MSRA: variants seen among roughly 807,000 people sequenced by gnomAD.
MSRA encodes methionine sulfoxide reductase A, also known as mitochondrial peptide methionine sulfoxide reductase.
Under a neutral mutation model 31.3 loss-of-function variants are expected in MSRA, and 54 were observed. The ratio of observed to expected loss-of-function variants is 1.73; its 90% CI spans 1.39 to 2.17. The LOEUF is 2.17. Among genes scored for constraint, MSRA ranks in the 30% most tolerant of loss-of-function variants. The pLI is 0.00. For synonymous variants in MSRA, 169 were observed against 116.5 expected (o/e 1.45, Z -2.90); for missense variants, 507 against 300.9 (o/e 1.69, Z -5.07).
intron 1 of MSRA, among the ~76,000 whole-genome samples, chr8:10,084,105 C>G (rs570317383): frequency 5.4e-4 from 82 of 152,344 alleles, no homozygotes; most frequent in Non-Finnish European, 7.3e-5. Flanking sequence ...GAGGCAGGGC[C>G]TGGCATTTCA....
intron 1 of MSRA, among the ~76,000 whole-genome samples, chr8:10,064,304 G>A (rs545764394): frequency 2.6e-5 from 4 of 152,144 alleles, no homozygotes; most frequent in African/African-American, 9.6e-5. Context: ...GGGTCAGCTG[G>A]TACCTCTTCT....
chr8:10,370,653 G>A (rs1278645008), intron 5 of MSRA, among the ~76,000 whole-genome samples: 1 of 152,110 alleles, frequency 6.6e-6, no homozygotes. Context: ...CTCTCCCTCG[G>A]GCCAACCACT....
chr8:10,164,479 T>G (rs974927205), intron 1 of MSRA, among the ~76,000 whole-genome samples: 1 of 152,138 alleles, frequency 6.6e-6, no homozygotes, highest in African/African-American at 2.4e-5. Flanking sequence ...GCTGTGCTGG[T>G]TTTGACCCCT....
intron 1 of MSRA, chr8:10,096,058 T>G (rs1200525734): frequency 7.2e-7 from 1 of 1,385,358 alleles, no homozygotes. Flanking sequence ...GTTTTTAGAT[T>G]TTATTTTATT....
intron 1 of MSRA, among the ~76,000 whole-genome samples, chr8:10,182,164 A>C (rs559445588): frequency 2.0e-5 from 3 of 152,110 alleles, no homozygotes; most frequent in Non-Finnish European, 4.4e-5. Flanking sequence ...TTTATCCTCT[A>C]AGCTGCAGCA....
chr8:10,386,553 G>C (rs1806403962), intron 5 of MSRA, among the ~76,000 whole-genome samples: 1 of 152,090 alleles, frequency 6.6e-6, no homozygotes, highest in Non-Finnish European at 1.5e-5. Context: ...TTTTCCAGTG[G>C]TTCTCAAACT....
intron 5 of MSRA, chr8:10,411,115 C>G (rs958739327): frequency 7.2e-5 from 11 of 152,160 alleles, no homozygotes; most frequent in African/African-American, 2.7e-4. Context: ...TACTTTTCCT[C>G]TTTGTTATTC....
At chr8:10,203,808 G>A (rs1306847896) in intron 1 of MSRA, among the ~76,000 whole-genome samples, 1 of 152,222 alleles carries the variant, frequency 6.6e-6, no homozygotes, top group Non-Finnish European at 1.5e-5. Context: ...TACCATAGGA[G>A]ATGACAGCTC....
chr8:10,315,300 G>A (rs1015503789), intron 4 of MSRA, among the ~76,000 whole-genome samples: 3 of 152,132 alleles, frequency 2.0e-5, no homozygotes, highest in Non-Finnish European at 4.4e-5. Context: ...GAATGTGTCC[G>A]TGTGCTAAAG....
chr8:10,308,121 C>T (rs1801237678), intron 4 of MSRA, among the ~76,000 whole-genome samples: 1 of 152,168 alleles, frequency 6.6e-6, no homozygotes, highest in Non-Finnish European at 1.5e-5. Flanking sequence ...GAGTCACCAT[C>T]CCAGGCTGGA....
At chr8:10,079,607 G>T (rs760711135) in intron 1 of MSRA, among the ~76,000 whole-genome samples, 1 of 152,106 alleles carries the variant, frequency 6.6e-6, no homozygotes, top group African/African-American at 2.4e-5. Flanking sequence ...TGAAGCTTTG[G>T]ATCTCTTTCC....
intron 5 of MSRA, among the ~76,000 whole-genome samples, chr8:10,411,896 G>A (rs1004795946): frequency 5.0e-5 from 4 of 79,934 alleles, no homozygotes; most frequent in Admixed American, 2.8e-4. Flanking sequence ...CAGGGGTGGC[G>A]AACAGCCCTG....
intron 5 of MSRA, among the ~76,000 whole-genome samples, chr8:10,331,530 A>G (rs755280402): frequency 2.0e-5 from 3 of 152,190 alleles, no homozygotes; most frequent in African/African-American, 4.8e-5. Context: ...GTGTTCATTC[A>G]CATTCCCAAC....
Position 10,320,703 on chromosome 8 carries a change from G to A in MSRA, c.543+714G>A, listed in dbSNP as rs547570401. ...TATTTTCTCACAATTCTGGAGGCTG[G>A]AAGTCCAAGATCAAGGTGTCGGCAG... On this transcript the variant is annotated intron_variant, in intron 5 of 5. Coordinates refer to ENST00000317173, the MANE Select transcript of MSRA (RefSeq NM_012331.5). 1.6e-4 allele frequency among the ~76,000 whole-genome samples: 24 copies of A among 152,260 alleles called. No individual in the cohort carries two copies. The South Asian group carries it at 4.1e-3, about 26-fold the overall frequency.
At chr8:10,218,191 G>T (rs532669713) in intron 2 of MSRA, among the ~76,000 whole-genome samples, 69 of 151,614 alleles carry the variant, frequency 4.6e-4, no homozygotes, top group African/African-American at 1.6e-3. Flanking sequence ...CTGTTGCCGA[G>T]GCTGGAGTGT....
rs563351312 is a variant in MSRA, at chr8:10,068,880, C to G, written c.142+14222C>G. On this transcript the variant is annotated intron_variant, in intron 1 of 5. Transcript: ENST00000317173. The stretch of plus-strand genomic sequence containing the variant: ...AATCTCCAGATCAAGTTGGGAAGAA[C>G]TGACATCTTGAAAATATTGAATCTA... Among the ~76,000 whole-genome samples the G allele has an allele frequency of 9.8e-5, 15 of 152,314 alleles. No individual in the cohort carries two copies. The South Asian group carries it at 2.3e-3, about 23-fold the overall frequency.
At chr8:10,131,761 C>G (rs965449219) in intron 1 of MSRA, among the ~76,000 whole-genome samples, 2 of 152,168 alleles carry the variant, frequency 1.3e-5, no homozygotes, top group Non-Finnish European at 2.9e-5. Flanking sequence ...GGGACTCTGT[C>G]GCTGCCTCTT....
At chr8:10,341,913 T>C (rs1191274042) in intron 5 of MSRA, among the ~76,000 whole-genome samples, 1 of 152,190 alleles carries the variant, frequency 6.6e-6, no homozygotes. Context: ...AAGATACATC[T>C]AGAACCCCAT....
intron 1 of MSRA, among the ~76,000 whole-genome samples, chr8:10,116,992 G>A (rs1250401720): frequency 1.3e-5 from 2 of 152,164 alleles, no homozygotes; most frequent in African/African-American, 4.8e-5. Context: ...CCATATTGAG[G>A]CAGAGGCTCA....
Sources: gnomAD v4.1 joint callset for allele counts (sites outside exome capture counted in the v4.1 genomes callset) on GRCh38, gnomAD v4.1.1 for gene constraint, MANE v1.5 for transcripts, NCBI Gene and HGNC (gene_info 2026-07-23, HGNC 2026-07-21) for gene names.